The following GAREM1 variants were observed in gnomAD, a reference collection of about 807,000 sequenced individuals.
The protein encoded by GAREM1 is GRB2 associated regulator of MAPK1 subtype 1.
In GAREM1, 26 loss-of-function variants were observed where a neutral mutation model predicts 71.3. The observed-to-expected ratio is 0.36, with a 90% CI of 0.27 to 0.51. GAREM1 has a LOEUF of 0.51. GAREM1 is among the 20% of genes least tolerant of loss of function. The probability of loss-of-function intolerance (pLI) is 0.95; values close to 1 mark genes in which losing one functional copy is unlikely to be tolerated. For synonymous variants in GAREM1, 440 were observed against 433.2 expected (o/e 1.02, Z -0.20); for missense variants, 1,026 against 1,103.1 (o/e 0.93, Z 0.99).
chr18:32,364,028 G>GTTTTTTTTTTT (rs1157200391), intron 2 of GAREM1, among the ~76,000 whole-genome samples: 1 of 21,672 alleles, frequency 4.6e-5, no homozygotes, highest in African/African-American at 1.8e-4. Context: ...ATATATATAT[G>GTTTTTTTTTTT]TTTTTTTTTT....
intron 1 of GAREM1, among the ~76,000 whole-genome samples, chr18:32,398,527 T>C (rs1277814240): frequency 2.0e-5 from 3 of 152,170 alleles, no homozygotes; most frequent in African/African-American, 4.8e-5. Flanking sequence ...CATCAGAGAA[T>C]ACTATAAACA....
rs193256362 is a variant in GAREM1, at chr18:32,437,533, T to C, written c.121+32775A>G. Among the ~76,000 whole-genome samples the C allele has an allele frequency of 1.3e-3, 203 of 152,316 alleles. 1 individual carries two copies. The highest frequency in any genetic ancestry group is 2.5e-3 in the Non-Finnish European group (168 of 68,034). On this transcript the variant is annotated intron_variant, in intron 1 of 5. Coordinates refer to ENST00000269209, the MANE Select transcript of GAREM1 (RefSeq NM_001242409.2). ...CTAGAATTCCATGACCAGCAGAAAC[T>C]GACTTTCTAGAGGGGTTAAAGGTAA...
intron 1 of GAREM1, among the ~76,000 whole-genome samples, chr18:32,418,063 C>T (rs113611456): frequency 0.016 from 2,433 of 152,098 alleles, 76 homozygotes; most frequent in African/African-American, 0.056. Context: ...CAATTCTCCA[C>T]CAACATAATA....
chr18:32,380,779 C>T (rs943944821), intron 2 of GAREM1, among the ~76,000 whole-genome samples: 3 of 151,940 alleles, frequency 2.0e-5, no homozygotes, highest in Admixed American at 6.6e-5. Context: ...CTCTAGATGG[C>T]GCTGGGGTAG....
rs750889307 is a variant in GAREM1, at chr18:32,267,860, G to A, written c.*11C>T. 21 of 1,601,264 alleles carry A rather than the reference G, an allele frequency of 1.3e-5. No homozygotes were observed. In the South Asian group the frequency reaches 2.2e-4, roughly 17 times the overall value. ...ATCAGTTTTGTTCCATGCTGGCCGG[G>A]GGTTATTTGGCTATATTTTGGGCCT... On this transcript the variant is annotated 3_prime_UTR_variant, in exon 6 of 6. Transcript: ENST00000269209.
intron 1 of GAREM1, among the ~76,000 whole-genome samples, chr18:32,440,365 G>T (rs1056470429): frequency 1.3e-5 from 2 of 152,062 alleles, no homozygotes; most frequent in African/African-American, 4.8e-5. Flanking sequence ...CAAGGCTGTT[G>T]ATATGTCCTA....
intron 1 of GAREM1, among the ~76,000 whole-genome samples, chr18:32,467,655 C>T (rs2049011422): frequency 6.6e-6 from 1 of 152,062 alleles, no homozygotes; most frequent in African/African-American, 2.4e-5. Context: ...TAAAATTAGC[C>T]AATCATTTCC....
At chr18:32,461,738 T>C (rs1235134602) in intron 1 of GAREM1, among the ~76,000 whole-genome samples, 1 of 152,188 alleles carries the variant, frequency 6.6e-6, no homozygotes, top group Non-Finnish European at 1.5e-5. Flanking sequence ...AGGTATTTTA[T>C]ATTTTACAAA....
chr18:32,306,775 T>C (rs993359616), intron 3 of GAREM1, among the ~76,000 whole-genome samples: 5 of 152,196 alleles, frequency 3.3e-5, no homozygotes, highest in Non-Finnish European at 2.9e-5. Context: ...CCTACTATAC[T>C]GTAATCTCCA....
chr18:32,449,757 C>T (rs762884895), intron 1 of GAREM1, among the ~76,000 whole-genome samples: 1 of 152,308 alleles, frequency 6.6e-6, no homozygotes, highest in Non-Finnish European at 1.5e-5. Context: ...CTTATCATTA[C>T]GACTATTCTA....
intron 2 of GAREM1, among the ~76,000 whole-genome samples, chr18:32,361,911 T>C (rs952687259): frequency 3.9e-5 from 6 of 152,184 alleles, no homozygotes; most frequent in African/African-American, 1.4e-4. Flanking sequence ...ATACAGTACA[T>C]ATCTTTACAT....
intron 2 of GAREM1, among the ~76,000 whole-genome samples, chr18:32,311,164 T>G (rs1044994180): frequency 6.6e-6 from 1 of 152,244 alleles, no homozygotes; most frequent in Non-Finnish European, 1.5e-5. Context: ...CTACAACATT[T>G]GAGAAGAACT....
At chr18:32,392,084 T>C (rs997327393) in intron 2 of GAREM1, among the ~76,000 whole-genome samples, 1 of 152,180 alleles carries the variant, frequency 6.6e-6, no homozygotes, top group Non-Finnish European at 1.5e-5. Context: ...ACACAATTTA[T>C]GGTTAGTTGA....
rs778994354 is a variant in GAREM1 at position 32,392,943 on chromosome 18, C to T, written c.214G>A (p.Gly72Ser). The change falls in exon 2 of 6, where the codon GGT becomes AGT. Residue 72 changes from glycine (G) to serine (S), a missense_variant. Physicochemically the swap from Gly to Ser is moderately conservative, Grantham distance 56. This residue lies in a region of GAREM1 where 172 missense variants were observed against 175.2 expected (regional missense o/e 0.98). Coordinates refer to ENST00000269209, the MANE Select transcript of GAREM1 (RefSeq NM_001242409.2). ...ATCTTTGGCCCAATGACATAGTGACCCTCCTCCAAGCTGTGGGCAGTGATG... is the reference window on the plus strand; with the variant it reads ...ATCTTTGGCCCAATGACATAGTGACTCTCCTCCAAGCTGTGGGCAGTGATG... Reference protein sequence around the residue: ...TTITAHSLEEGHYVIGPKIEI... With the variant: ...TTITAHSLEESHYVIGPKIEI... 4 of 1,613,852 alleles carry T rather than the reference C, an allele frequency of 2.5e-6. No individual in the cohort carries two copies. Among genetic ancestry groups the T allele is most frequent in the Non-Finnish European group, 2.5e-6 (3 of 1,179,890 alleles).
intron 1 of GAREM1, among the ~76,000 whole-genome samples, chr18:32,449,487 C>A (rs987890070): frequency 1.3e-5 from 2 of 152,098 alleles, no homozygotes; most frequent in Non-Finnish European, 1.5e-5. Context: ...AGAAGTTAGA[C>A]AACATGGCGA....
chr18:32,314,010 T>C (rs994477497), intron 2 of GAREM1, among the ~76,000 whole-genome samples: 2 of 151,704 alleles, frequency 1.3e-5, no homozygotes, highest in Non-Finnish European at 2.9e-5. Context: ...ATATACCACA[T>C]AGAAATATGT....
intron 1 of GAREM1, among the ~76,000 whole-genome samples, chr18:32,433,312 C>A (rs1315643547): frequency 1.3e-5 from 2 of 151,780 alleles, no homozygotes; most frequent in African/African-American, 2.4e-5. Flanking sequence ...CTACAAAAAA[C>A]CCCACAATTA....
intron 1 of GAREM1, among the ~76,000 whole-genome samples, chr18:32,421,707 C>T (rs1240061540): frequency 1.3e-5 from 2 of 152,008 alleles, no homozygotes; most frequent in Non-Finnish European, 2.9e-5. Flanking sequence ...CCTAGAAAGC[C>T]CTTCCCCCAT....
intron 1 of GAREM1, among the ~76,000 whole-genome samples, chr18:32,429,883 A>G (rs950092079): frequency 6.6e-6 from 1 of 152,200 alleles, no homozygotes; most frequent in African/African-American, 2.4e-5. Context: ...AAAAACAAAA[A>G]CAAAACCACA....
Sources: gnomAD v4.1 joint callset for allele counts (sites outside exome capture counted in the v4.1 genomes callset) on GRCh38, gnomAD v4.1.1 for gene constraint, gnomAD v4.1.1 regional missense constraint, MANE v1.5 for transcripts, NCBI Gene and HGNC (gene_info 2026-07-23, HGNC 2026-07-21) for gene names.